NRXN1: variants seen among roughly 807,000 people sequenced by gnomAD.
NRXN1 encodes the protein neurexin-1.
A neutral mutation model predicts 150.9 loss-of-function variants in NRXN1; 39 were observed. The observed-to-expected ratio is 0.26, with a 90% CI of 0.20 to 0.34. The LOEUF (loss-of-function observed/expected upper bound fraction) is 0.34, where lower values mean the gene tolerates loss of function less well. Among genes scored for constraint, NRXN1 ranks in the 10% least tolerant of loss-of-function variants. The pLI is 1.00. For missense variants in NRXN1, 1,815 were observed against 1,949.9 expected, an observed-to-expected ratio of 0.93 and a Z score of 1.30; for synonymous variants, 924 against 757.0, an observed-to-expected ratio of 1.22 and a Z score of -3.62.
intron 18 of NRXN1, among the ~76,000 whole-genome samples, chr2:50,194,499 T>C (rs950371068): frequency 6.6e-6 from 1 of 152,134 alleles, no homozygotes; most frequent in Non-Finnish European, 1.5e-5. Context: ...ACTTTAAAGT[T>C]CTTTACCCCC....
chr2:50,948,403 C>A (rs1480363628), intron 2 of NRXN1, among the ~76,000 whole-genome samples: 2 of 151,886 alleles, frequency 1.3e-5, no homozygotes, highest in Admixed American at 6.6e-5. Flanking sequence ...AGTAAAATAG[C>A]CAGATAACAA....
intron 5 of NRXN1, among the ~76,000 whole-genome samples, chr2:50,899,293 C>T (rs764356371): frequency 6.6e-6 from 1 of 152,094 alleles, no homozygotes; most frequent in African/African-American, 2.4e-5. Flanking sequence ...CAATGCAGTA[C>T]AATTGAAAAC....
chr2:50,761,982 T>C (rs1469551148), intron 5 of NRXN1, among the ~76,000 whole-genome samples: 1 of 151,900 alleles, frequency 6.6e-6, no homozygotes, highest in Admixed American at 6.6e-5. Context: ...CGTTGCACTG[T>C]TGGCTTCCCT....
intron 22 of NRXN1, among the ~76,000 whole-genome samples, chr2:49,928,671 A>G (rs749520201): frequency 1.3e-5 from 2 of 152,182 alleles, no homozygotes; most frequent in Admixed American, 1.3e-4. Flanking sequence ...TTTTGCTTCA[A>G]TACAGTGTAG....
At chr2:50,062,422 T>A (rs1410561437) in intron 19 of NRXN1, among the ~76,000 whole-genome samples, 2 of 152,178 alleles carry the variant, frequency 1.3e-5, no homozygotes, top group Non-Finnish European at 2.9e-5. Context: ...TACTTCCTAG[T>A]CTTCCGAATT....
chr2:50,499,168 G>A (rs544750559), intron 13 of NRXN1, among the ~76,000 whole-genome samples: 1 of 152,192 alleles, frequency 6.6e-6, no homozygotes, highest in East Asian at 1.9e-4. Flanking sequence ...CTGTTTATAT[G>A]TTTGCTTAAG....
At chr2:50,282,893 T>C (rs2071646910) in intron 17 of NRXN1, among the ~76,000 whole-genome samples, 1 of 152,180 alleles carries the variant, frequency 6.6e-6, no homozygotes, top group African/African-American at 2.4e-5. Context: ...CTAATCTCAC[T>C]TTGAAGTCAA....
intron 5 of NRXN1, among the ~76,000 whole-genome samples, chr2:50,668,606 G>A (rs1688402405): frequency 1.3e-5 from 2 of 151,868 alleles, no homozygotes; most frequent in African/African-American, 4.8e-5. Context: ...TTCTTCTCTT[G>A]GAGTAGCTTA....
At chr2:50,206,722 A>C (rs1246156398) in intron 18 of NRXN1, among the ~76,000 whole-genome samples, 1 of 152,006 alleles carries the variant, frequency 6.6e-6, no homozygotes, top group East Asian at 1.9e-4. Flanking sequence ...TATTGAAGTA[A>C]TGTTTGAAAA....
At chr2:50,836,141 G>T (rs1286897371) in intron 5 of NRXN1, among the ~76,000 whole-genome samples, 4 of 152,116 alleles carry the variant, frequency 2.6e-5, no homozygotes, top group African/African-American at 9.6e-5. Context: ...TCTTATTAAT[G>T]TATGGTTTTC....
intron 8 of NRXN1, among the ~76,000 whole-genome samples, chr2:50,595,153 G>A (rs1321269495): frequency 6.6e-6 from 1 of 152,020 alleles, no homozygotes; most frequent in African/African-American, 2.4e-5. Context: ...AAATAGTAAG[G>A]AGGGCTTTTG....
At chr2:49,977,007 A>G (rs991053464) in intron 21 of NRXN1, among the ~76,000 whole-genome samples, 5 of 152,216 alleles carry the variant, frequency 3.3e-5, no homozygotes, top group African/African-American at 9.6e-5. Flanking sequence ...GTTTTTACCA[A>G]TAATGGTGTA....
intron 17 of NRXN1, among the ~76,000 whole-genome samples, chr2:50,316,873 T>G (rs773624677): frequency 6.6e-6 from 1 of 152,048 alleles, no homozygotes; most frequent in Admixed American, 6.6e-5. Flanking sequence ...AAGCAGTTAC[T>G]GTGGAGTACA....
At chr2:50,373,271 A>C (rs1021886051) in intron 17 of NRXN1, among the ~76,000 whole-genome samples, 2 of 140,908 alleles carry the variant, frequency 1.4e-5, no homozygotes, top group Non-Finnish European at 3.1e-5. Context: ...GGATGTCCAT[A>C]TCAGATTTAT....
chr2:49,986,125 A>T (rs1273894103), intron 21 of NRXN1, among the ~76,000 whole-genome samples: 2 of 152,232 alleles, frequency 1.3e-5, no homozygotes, highest in African/African-American at 4.8e-5. Flanking sequence ...ATGAAGTGAT[A>T]AATTGGCCAG....
At chr2:50,442,271 A>T (rs1383451338) in intron 17 of NRXN1, among the ~76,000 whole-genome samples, 2 of 152,168 alleles carry the variant, frequency 1.3e-5, no homozygotes, top group African/African-American at 4.8e-5. Context: ...TAGTGGTCCT[A>T]CATGTTGCCT....
intron 15 of NRXN1, among the ~76,000 whole-genome samples, chr2:50,482,047 C>A (rs970056268): frequency 7.3e-6 from 1 of 137,406 alleles, no homozygotes; most frequent in Non-Finnish European, 1.5e-5. Flanking sequence ...GGATTACAGG[C>A]GTGAGCCACC....
intron 21 of NRXN1, among the ~76,000 whole-genome samples, chr2:50,006,559 C>T (rs1367153349): frequency 6.6e-6 from 1 of 152,112 alleles, no homozygotes; most frequent in African/African-American, 2.4e-5. Context: ...TCTCCCATTC[C>T]CTGACCTGAT....
chr2:50,181,941 T>A (rs916012753), intron 18 of NRXN1, among the ~76,000 whole-genome samples: 1 of 151,968 alleles, frequency 6.6e-6, no homozygotes, highest in African/African-American at 2.4e-5. Context: ...TTTTAAAAAG[T>A]TCCTTAACAC....
Sources: allele counts gnomAD v4.1 joint callset (sites outside exome capture counted in the v4.1 genomes callset), GRCh38; gene constraint gnomAD v4.1.1; transcripts MANE v1.5; gene names NCBI Gene and HGNC (gene_info 2026-07-23, HGNC 2026-07-21).